SLC9A2: variants seen among roughly 807,000 people sequenced by gnomAD.
SLC9A2 encodes the protein sodium/hydrogen exchanger 2.
SLC9A2 carries 42 observed loss-of-function variants against 71.7 expected under a neutral mutation model. That is an observed-to-expected ratio of 0.59 (90% confidence interval 0.46 to 0.76). The LOEUF is 0.76. SLC9A2 is among the 30% of genes least tolerant of loss of function. The pLI, the probability that SLC9A2 is intolerant of heterozygous loss-of-function variation, is 0.00. For synonymous variants in SLC9A2, 396 were observed against 392.5 expected, an observed-to-expected ratio of 1.01 and a Z score of -0.10; for missense variants, 829 against 1,017.4, an observed-to-expected ratio of 0.81 and a Z score of 2.52.
Position 102,620,501 on chromosome 2 carries a change from C to T in SLC9A2, c.289+364C>T, listed in dbSNP as rs866131594. ...CAGGGAGAGAGGTGCCGACGAACCC[C>T]GGAGCTATGCATAATGTGGTTAAAA... On this transcript the variant is annotated intron_variant, in intron 1 of 11. Transcript: ENST00000233969. 4.6e-5 allele frequency among the ~76,000 whole-genome samples: 7 copies of T among 152,252 alleles called. 1 individual carries two copies. Among genetic ancestry groups the T allele is most frequent in the Middle Eastern group, 3.4e-3 (1 of 294 alleles).
At chr2:102,638,300 G>A (rs1676509482) in intron 1 of SLC9A2, among the ~76,000 whole-genome samples, 1 of 152,216 alleles carries the variant, frequency 6.6e-6, no homozygotes, top group Non-Finnish European at 1.5e-5. Flanking sequence ...GTTGGAATAT[G>A]TTTTATAGTC....
At chr2:102,689,314 T>G (rs766417823) in intron 5 of SLC9A2, among the ~76,000 whole-genome samples, 3 of 152,116 alleles carry the variant, frequency 2.0e-5, no homozygotes, top group Non-Finnish European at 4.4e-5. Flanking sequence ...TTCTCAAGAG[T>G]GCTCATTGCT....
intron 1 of SLC9A2, among the ~76,000 whole-genome samples, chr2:102,639,419 C>T (rs17027635): frequency 6.6e-6 from 1 of 152,142 alleles, no homozygotes; most frequent in African/African-American, 2.4e-5. Context: ...CAACATTTGT[C>T]GAGTTGCCTT....
At chr2:102,651,900 T>A (rs1676841536) in intron 1 of SLC9A2, among the ~76,000 whole-genome samples, 1 of 152,002 alleles carries the variant, frequency 6.6e-6, no homozygotes, top group African/African-American at 2.4e-5. Context: ...TTGAATTTTC[T>A]AATATTATGT....
In SLC9A2 at chr2:102,710,120, G is replaced by GT. The variant is rs1213661943; in HGVS notation, c.*1633dup. ...CAAAGGTTAGATACACAAGGTACAA[G>GT]TTCATAGGAGCACAATTCCTTGATT... is the stretch of plus-strand genomic sequence containing the variant. On this transcript the variant is annotated 3_prime_UTR_variant, in exon 12 of 12. Transcript: ENST00000233969. The GT allele has an allele frequency of 6.5e-6, 1 of 152,734 alleles. No homozygotes were observed. The highest frequency in any genetic ancestry group is 2.4e-5 in the African/African-American group (1 of 41,432). The allele number at this position is 152,734 out of a possible 1,614,324, so 9.5% of individuals were successfully genotyped here.
At chr2:102,661,188 T>C (rs11675831) in intron 2 of SLC9A2, among the ~76,000 whole-genome samples, 52,774 of 152,114 alleles carry the variant, frequency 0.35, 9,835 homozygotes, top group East Asian at 0.52. Flanking sequence ...AATTTCCCTA[T>C]TAGGCAAAGA....
chr2:102,672,965 T>A (rs1159221586), intron 3 of SLC9A2, among the ~76,000 whole-genome samples: 2 of 152,084 alleles, frequency 1.3e-5, no homozygotes, highest in Non-Finnish European at 1.5e-5. Flanking sequence ...CGAGCCTCTA[T>A]ATTAAGGTCT....
At chr2:102,693,567 C>T (rs1439568836) in intron 5 of SLC9A2, among the ~76,000 whole-genome samples, 1 of 152,170 alleles carries the variant, frequency 6.6e-6, no homozygotes. Context: ...CACTCATGAA[C>T]GTGCCCAGAC....
At chr2:102,661,069 T>C (rs1209674736) in intron 2 of SLC9A2, among the ~76,000 whole-genome samples, 3 of 152,196 alleles carry the variant, frequency 2.0e-5, no homozygotes, top group Non-Finnish European at 4.4e-5. Flanking sequence ...AGGGCTGTAG[T>C]AGATTAGAAG....
At chr2:102,643,575 C>G (rs1222545845) in intron 1 of SLC9A2, among the ~76,000 whole-genome samples, 1 of 152,206 alleles carries the variant, frequency 6.6e-6, no homozygotes, top group East Asian at 1.9e-4. Context: ...AAAGAAGACC[C>G]AGAGAACTGA....
intron 1 of SLC9A2, among the ~76,000 whole-genome samples, chr2:102,620,492 G>T (rs557486085): frequency 2.6e-5 from 4 of 152,254 alleles, no homozygotes; most frequent in African/African-American, 9.6e-5. Flanking sequence ...GAGAGGTGCC[G>T]ACGAACCCCG....
intron 1 of SLC9A2, among the ~76,000 whole-genome samples, chr2:102,632,528 A>G (rs1393351592): frequency 2.6e-5 from 4 of 152,180 alleles, no homozygotes; most frequent in South Asian, 2.1e-4. Flanking sequence ...AGTCCTGTGC[A>G]TTGTTTATCA....
intron 1 of SLC9A2, among the ~76,000 whole-genome samples, chr2:102,629,291 C>T (rs1003928814): frequency 7.9e-5 from 12 of 151,936 alleles, no homozygotes; most frequent in African/African-American, 2.9e-4. Flanking sequence ...TTTTAACTTC[C>T]TTATTTCCAG....
chr2:102,702,649 T>C (rs1268534260), intron 9 of SLC9A2, 147 bp downstream of exon 9: 1 of 590,544 alleles, frequency 1.7e-6, no homozygotes, highest in Non-Finnish European at 3.0e-6. Context: ...CTTCTCTCCA[T>C]CCCTCTTCAG....
At chr2:102,623,741 C>A (rs1676189434) in intron 1 of SLC9A2, among the ~76,000 whole-genome samples, 1 of 151,962 alleles carries the variant, frequency 6.6e-6, no homozygotes, top group South Asian at 2.1e-4. Flanking sequence ...CACTTTTGTG[C>A]CATTTGTGTA....
chr2:102,705,937 G>T lies in SLC9A2; in HGVS notation c.2068+1G>T. ...AAGAGGAGGACTATTTCTATTGCAG[G>T]TAGTGAATATAGTTGGAGCAGAAAA... On this transcript the variant is annotated splice_donor_variant, in intron 11 of 11. Coordinates refer to ENST00000233969, the MANE Select transcript of SLC9A2 (RefSeq NM_003048.6). LOFTEE classifies it high-confidence loss of function. 6.4e-7 allele frequency: 1 copy of T among 1,561,200 alleles called. No homozygotes were observed. The highest frequency in any genetic ancestry group is 8.7e-7 in the Non-Finnish European group (1 of 1,144,008).
intron 1 of SLC9A2, among the ~76,000 whole-genome samples, chr2:102,623,731 C>A (rs933432564): frequency 1.3e-5 from 2 of 152,044 alleles, no homozygotes; most frequent in Non-Finnish European, 2.9e-5. Context: ...CTATTTGGGG[C>A]ACTTTTGTGC....
intron 3 of SLC9A2, among the ~76,000 whole-genome samples, chr2:102,682,768 A>G (rs997850282): frequency 2.0e-5 from 3 of 152,202 alleles, no homozygotes; most frequent in African/African-American, 7.2e-5. Context: ...TTGACCAATT[A>G]TATGGCAGGG....
chr2:102,654,709 C>A (rs560319581), intron 1 of SLC9A2, among the ~76,000 whole-genome samples: 4 of 152,204 alleles, frequency 2.6e-5, no homozygotes, highest in African/African-American at 9.6e-5. Context: ...CATCATTAGG[C>A]GATTTTGTCA....
Sources: gnomAD v4.1 joint callset for allele counts (sites outside exome capture counted in the v4.1 genomes callset) on GRCh38, gnomAD v4.1.1 for gene constraint, MANE v1.5 for transcripts, NCBI Gene and HGNC (gene_info 2026-07-23, HGNC 2026-07-21) for gene names.